MAF: variants seen among roughly 807,000 people sequenced by gnomAD.
The protein encoded by MAF is transcription factor Maf.
A neutral mutation model predicts 22.0 loss-of-function variants in MAF; 10 were observed. The ratio of observed to expected loss-of-function variants is 0.45; its 90% CI spans 0.28 to 0.77. The LOEUF (loss-of-function observed/expected upper bound fraction) is 0.77. MAF is among the 30% of genes least tolerant of loss of function. MAF has a pLI of 0.12. For missense variants in MAF, 544 were observed against 548.4 expected (o/e 0.99, Z 0.08); for synonymous variants, 337 against 255.8 (o/e 1.32, Z -3.03).
the MAF span, among the ~76,000 whole-genome samples, chr16:79,554,558 C>A: frequency 1.3e-5 from 2 of 152,114 alleles, no homozygotes; most frequent in Non-Finnish European, 2.9e-5. Context: ...GAAGACAACA[C>A]AGGTGGATGA....
the MAF span, among the ~76,000 whole-genome samples, chr16:79,344,867 T>C: frequency 8.8e-3 from 1,340 of 152,326 alleles, 22 homozygotes; most frequent in African/African-American, 0.031. Flanking sequence ...CCTTCCATTT[T>C]GTTACATTTA....
the MAF span, among the ~76,000 whole-genome samples, chr16:79,546,305 T>C: frequency 5.3e-5 from 8 of 152,152 alleles, no homozygotes; most frequent in Non-Finnish European, 1.0e-4. Flanking sequence ...AGAATTTTTT[T>C]TTTTCAGAGT....
chr16:79,265,401 T>C, the MAF span, among the ~76,000 whole-genome samples: 1 of 152,128 alleles, frequency 6.6e-6, no homozygotes, highest in African/African-American at 2.4e-5. Context: ...CAGCCTCCTC[T>C]CACTTCTCTC....
the MAF span, among the ~76,000 whole-genome samples, chr16:79,381,417 G>T: frequency 2.0e-5 from 3 of 152,158 alleles, no homozygotes; most frequent in Admixed American, 6.5e-5. Context: ...TGATGTGGAA[G>T]TTACCCTGGG....
At chr16:79,521,025 G>C in the MAF span, among the ~76,000 whole-genome samples, 2 of 152,164 alleles carry the variant, frequency 1.3e-5, no homozygotes, top group African/African-American at 4.8e-5. Context: ...CTGGAGCCTG[G>C]CTATATTAGA....
At chr16:79,512,620 T>C in the MAF span, among the ~76,000 whole-genome samples, 1 of 152,138 alleles carries the variant, frequency 6.6e-6, no homozygotes, top group African/African-American at 2.4e-5. Context: ...TTATGAATCC[T>C]AGGAAGGTGA....
At chr16:79,474,873 T>C in the MAF span, among the ~76,000 whole-genome samples, 1 of 152,166 alleles carries the variant, frequency 6.6e-6, no homozygotes, top group Non-Finnish European at 1.5e-5. Flanking sequence ...AGGAGAGATC[T>C]AAAAGCAAAG....
the MAF span, among the ~76,000 whole-genome samples, chr16:79,423,664 C>G: frequency 2.0e-5 from 3 of 152,174 alleles, no homozygotes; most frequent in Admixed American, 6.5e-5. Flanking sequence ...CCCACAAAAC[C>G]TAATATATTT....
At chr16:79,316,174 G>A in the MAF span, among the ~76,000 whole-genome samples, 2 of 152,320 alleles carry the variant, frequency 1.3e-5, no homozygotes, top group Middle Eastern at 3.4e-3. Context: ...CCCAAAATGC[G>A]AGCTTTTTCC....
chr16:79,241,811 C>A, the MAF span, among the ~76,000 whole-genome samples: 1 of 152,040 alleles, frequency 6.6e-6, no homozygotes, highest in Non-Finnish European at 1.5e-5. Context: ...GGGTTACCCA[C>A]AAAGGGAAGC....
the MAF span, among the ~76,000 whole-genome samples, chr16:79,224,263 A>C: frequency 6.6e-6 from 1 of 152,220 alleles, no homozygotes; most frequent in Non-Finnish European, 1.5e-5. Flanking sequence ...TAAAAACCAC[A>C]TGATTCTCGC....
At chr16:79,510,166 A>G in the MAF span, among the ~76,000 whole-genome samples, 1 of 152,296 alleles carries the variant, frequency 6.6e-6, no homozygotes, top group East Asian at 1.9e-4. Context: ...TATCCCCTGT[A>G]TGGATTGTGA....
At chr16:79,432,822 T>A in the MAF span, among the ~76,000 whole-genome samples, 1 of 152,164 alleles carries the variant, frequency 6.6e-6, no homozygotes, top group African/African-American at 2.4e-5. Flanking sequence ...ATATCAAAGA[T>A]GGCAGCCAAC....
chr16:79,454,835 G>A, the MAF span, among the ~76,000 whole-genome samples: 2 of 152,132 alleles, frequency 1.3e-5, no homozygotes, highest in African/African-American at 2.4e-5. Flanking sequence ...CACTCCTCAT[G>A]CCTGTAATCC....
At chr16:79,309,969 C>A in the MAF span, among the ~76,000 whole-genome samples, 1 of 152,196 alleles carries the variant, frequency 6.6e-6, no homozygotes, top group African/African-American at 2.4e-5. Flanking sequence ...GGTGACATTA[C>A]TGTAACTTAC....
the MAF span, among the ~76,000 whole-genome samples, chr16:79,480,232 C>T: frequency 6.6e-6 from 1 of 152,270 alleles, no homozygotes; most frequent in East Asian, 1.9e-4. Flanking sequence ...ACGGAAAGGA[C>T]TGCTCAAATT....
chr16:79,350,061 T>C, the MAF span, among the ~76,000 whole-genome samples: 1 of 152,194 alleles, frequency 6.6e-6, no homozygotes, highest in African/African-American at 2.4e-5. Flanking sequence ...ACATTATGTA[T>C]GTACATCTCT....
chr16:79,240,267 G>A, the MAF span, among the ~76,000 whole-genome samples: 1 of 151,350 alleles, frequency 6.6e-6, no homozygotes, highest in Non-Finnish European at 1.5e-5. Context: ...TGGAAGACAT[G>A]GTTTTCTTGG....
chr16:79,545,032 G>A, the MAF span, among the ~76,000 whole-genome samples: 1 of 152,124 alleles, frequency 6.6e-6, no homozygotes, highest in Non-Finnish European at 1.5e-5. Context: ...GCTCCCTCAG[G>A]CCAGGATGGT....
Sources: allele counts gnomAD v4.1 joint callset (sites outside exome capture counted in the v4.1 genomes callset), GRCh38; gene constraint gnomAD v4.1.1; transcripts MANE v1.5; gene names NCBI Gene and HGNC (gene_info 2026-07-23, HGNC 2026-07-21).